The following UTP20 variants were observed in gnomAD, a reference collection of about 807,000 sequenced individuals.
The protein encoded by UTP20 is UTP20 small subunit processome component.
In UTP20, 164 loss-of-function variants were observed where a neutral mutation model predicts 329.5. The observed-to-expected ratio is 0.50, with a 90% confidence interval of 0.44 to 0.57. The LOEUF is 0.57. Among genes scored for constraint, UTP20 ranks in the 20% least tolerant of loss-of-function variants. The pLI is 0.00. For synonymous variants in UTP20, 1,151 were observed against 1,159.3 expected, an observed-to-expected ratio of 0.99 and a Z score of 0.14; for missense variants, 3,055 against 3,284.2, an observed-to-expected ratio of 0.93 and a Z score of 1.71.
In UTP20 at chr12:101,385,609, G is replaced by A. The variant is rs1256166008; in HGVS notation, c.8083G>A (p.Glu2695Lys). Residue 2695 changes from glutamate to lysine, a missense_variant, in exon 61 of 62, where the codon GAA (glutamate) becomes AAA (lysine). Physicochemically the swap from Glu to Lys is moderately conservative, Grantham distance 56. Transcript: ENST00000261637. ...QDPLLKNLSQ[E>K]IIELLKKLVG... ...TCCTTTGCTGAAGAATCTATCCCAG[G>A]AAATCATAGAATTACTCAAAAAGCT... 6.2e-7 allele frequency: 1 copy of A among 1,613,476 alleles called. No individual in the cohort carries two copies.
chr12:101,281,089 G>A (rs1871781654), intron 1 of UTP20, 27 bp from the exon 2 acceptor site: 1 of 1,554,858 alleles, frequency 6.4e-7, no homozygotes, highest in Non-Finnish European at 8.8e-7. Context: ...AATTAATTAT[G>A]TATCTTAAAT....
chr12:101,366,453 C>G (rs1171556055), intron 46 of UTP20, 105 bp from the exon 47 acceptor site: 123 of 1,408,580 alleles, frequency 8.7e-5, no homozygotes, highest in Non-Finnish European at 8.1e-5. Flanking sequence ...GCAAATGGCA[C>G]ATTATTTAGT....
intron 25 of UTP20, among the ~76,000 whole-genome samples, chr12:101,322,903 AC>A (rs1444194476): frequency 3.3e-5 from 5 of 152,206 alleles, no homozygotes; most frequent in African/African-American, 7.2e-5. Context: ...TTATATCCAA[AC>A]ACTCAAAAAT....
At position 101,383,596 on chromosome 12, in the gene UTP20, C is replaced by A. The variant is rs1444625915; in HGVS notation, c.7983C>A (p.Asp2661Glu). 6.2e-7 allele frequency: 1 copy of A among 1,613,754 alleles called. No individual in the cohort carries two copies. Among genetic ancestry groups the A allele is most frequent in the Admixed American group, 1.7e-5 (1 of 59,956 alleles). Residue 2661 changes from aspartate (D) to glutamate (E), a missense_variant, in exon 60 of 62, where the codon GAC becomes GAA. This residue lies in a region of UTP20 where 337 missense variants were observed against 345.5 expected (regional missense o/e 0.98). Coordinates refer to ENST00000261637, the MANE Select transcript of UTP20 (RefSeq NM_014503.3). ...LGAVAMDLGIDKVKPYLPMII... is the reference protein window; with the variant it reads ...LGAVAMDLGIEKVKPYLPMII... The stretch of plus-strand genomic sequence containing the variant: ...CCGTAGCAATGGATCTTGGGATAGA[C>A]AAGGTAAAGCCGTATCTCCCAATGA...
chr12:101,342,534 T>C lies in UTP20; in HGVS notation c.4190T>C (p.Leu1397Pro), dbSNP rs768453138. The change falls in exon 33 of 62, where the codon CTT becomes CCT. Residue 1397 changes from leucine (L) to proline (P), a missense_variant. By Grantham distance (98) the Leu-to-Pro change is moderately conservative. Transcript: ENST00000261637. ...PTSFLKPIAKLFSVIKNKLSR... is the reference protein window; with the variant it reads ...PTSFLKPIAKPFSVIKNKLSR... ...AGCTTCCTCAAGCCTATAGCAAAAC[T>C]TTTCTCAGTTATTAAGAACAAATTG... 1.2e-6 allele frequency: 2 copies of C among 1,613,892 alleles called. No individual in the cohort carries two copies. Among genetic ancestry groups the C allele is most frequent in the South Asian group, 1.1e-5 (1 of 91,046 alleles).
intron 43 of UTP20, among the ~76,000 whole-genome samples, chr12:101,357,695 A>T (rs1487176837): frequency 1.3e-5 from 2 of 152,234 alleles, no homozygotes; most frequent in African/African-American, 4.8e-5. Context: ...TCAAGGCTGC[A>T]GTGAGCTGTG....
intron 23 of UTP20, among the ~76,000 whole-genome samples, chr12:101,320,607 AC>A (rs528766733): frequency 6.0e-4 from 91 of 151,922 alleles, no homozygotes; most frequent in African/African-American, 2.0e-3. Context: ...AAGCTGGTAG[AC>A]CCCAGGGTAT....
In UTP20 at chr12:101,338,919, T is replaced by C; in HGVS notation, c.3975T>C (p.Asn1325=). 4 of 1,610,196 alleles carry C rather than the reference T, an allele frequency of 2.5e-6. No individual in the cohort carries two copies. The highest frequency in any genetic ancestry group is 3.4e-6 in the Non-Finnish European group (4 of 1,179,070). ...ISAEKVKKKK[N]RAQVSKELGI... is the part of the protein sequence containing the mutation. ...CAGAAAAGGTGAAAAAGAAAAAGAA[T>C]AGAGCACAAGTCAGTAAAGAGCTTG... is the stretch of plus-strand genomic sequence containing the variant. The change falls in exon 31 of 62, where the codon AAT becomes AAC. Residue 1325 remains asparagine, a synonymous_variant. Coordinates refer to ENST00000261637, the MANE Select transcript of UTP20 (RefSeq NM_014503.3).
intron 2 of UTP20, among the ~76,000 whole-genome samples, chr12:101,283,703 A>C (rs1431895627): frequency 6.6e-6 from 1 of 152,196 alleles, no homozygotes; most frequent in Non-Finnish European, 1.5e-5. Flanking sequence ...CAACAACAAA[A>C]AAATTTTAAT....
rs750578552 is a variant in UTP20, at chr12:101,329,372, G to A, written c.3340G>A (p.Ala1114Thr). 22 of 1,613,976 alleles carry A rather than the reference G, an allele frequency of 1.4e-5. No individual in the cohort carries two copies. The highest frequency in any genetic ancestry group is 6.7e-5 in the East Asian group (3 of 44,844). Residue 1114 changes from alanine (A) to threonine (T), a missense_variant, in exon 27 of 62, where the codon GCA (alanine) becomes ACA (threonine). Transcript: ENST00000261637. Reference protein sequence around the residue: ...VLKNISHLISAYLPKILQILL... With the variant: ...VLKNISHLISTYLPKILQILL... ...GAAAAACATTAGTCATCTGATCAGC[G>A]CATACCTGCCGAAGATTTTGCAGAT... is the stretch of plus-strand genomic sequence containing the variant.
intron 7 of UTP20, 90 bp downstream of exon 7, chr12:101,290,364 A>G (rs1872099823): frequency 4.9e-6 from 7 of 1,437,458 alleles, no homozygotes; most frequent in Non-Finnish European, 5.6e-6. Flanking sequence ...GAGGGAAGAC[A>G]GCCTAGAGTA....
At chr12:101,373,914 A>C in intron 54 of UTP20, 147 bp downstream of exon 54, 1 of 995,308 alleles carries the variant, frequency 1.0e-6, no homozygotes, top group Non-Finnish European at 1.4e-6. Flanking sequence ...GTATATTCTT[A>C]AAGTTTTCCA....
At chr12:101,284,903 T>C (rs1206907844) in intron 2 of UTP20, among the ~76,000 whole-genome samples, 1 of 152,194 alleles carries the variant, frequency 6.6e-6, no homozygotes, top group Non-Finnish European at 1.5e-5. Context: ...AATTGAATCC[T>C]GCCATACCCT....
intron 21 of UTP20, among the ~76,000 whole-genome samples, chr12:101,314,910 A>G (rs1593429267): frequency 6.7e-6 from 1 of 150,224 alleles, no homozygotes. Context: ...AGACCAGCCT[A>G]GTGAAATCCC....
In UTP20 at chr12:101,383,271, T is replaced by C. The variant is rs754257403; in HGVS notation, c.7887T>C (p.Ile2629=). The change falls in exon 59 of 62, where the codon ATT becomes ATC. Residue 2629 remains isoleucine, a synonymous_variant. Coordinates refer to ENST00000261637, the MANE Select transcript of UTP20 (RefSeq NM_014503.3). ...LLWLIQKLSR[I]AKLEAAYSPR... ...GGTTGATCCAGAAGCTGTCCCGGAT[T>C]GCAAAACTGGAAGCTGCTTATTCGC... 1.2e-6 allele frequency: 2 copies of C among 1,614,064 alleles called. No individual in the cohort carries two copies. Among genetic ancestry groups the C allele is most frequent in the Non-Finnish European group, 1.7e-6 (2 of 1,180,022 alleles).
chr12:101,361,364 C>T (rs1869910074), intron 43 of UTP20, among the ~76,000 whole-genome samples: 1 of 152,070 alleles, frequency 6.6e-6, no homozygotes, highest in Non-Finnish European at 1.5e-5. Flanking sequence ...TGGCTCACTC[C>T]TGTAATCGCA....
intron 43 of UTP20, among the ~76,000 whole-genome samples, chr12:101,359,247 G>A (rs1319663197): frequency 6.6e-6 from 1 of 151,990 alleles, no homozygotes; most frequent in Non-Finnish European, 1.5e-5. Flanking sequence ...TGTATTTTTA[G>A]TAGAGATGGA....
chr12:101,280,509 G>A (rs894492801), intron 1 of UTP20, among the ~76,000 whole-genome samples, 182 bp downstream of exon 1: 2 of 152,220 alleles, frequency 1.3e-5, no homozygotes, highest in East Asian at 1.9e-4. Flanking sequence ...AAAGAAGTGT[G>A]GACAGCAAGT....
chr12:101,343,798 C>A (rs1360732190), intron 35 of UTP20, among the ~76,000 whole-genome samples: 2 of 152,154 alleles, frequency 1.3e-5, no homozygotes, highest in Non-Finnish European at 2.9e-5. Context: ...AGGTGTGGGC[C>A]ACCGCACCCA....
Sources: allele counts gnomAD v4.1 joint callset (sites outside exome capture counted in the v4.1 genomes callset), GRCh38; gene constraint gnomAD v4.1.1; regional missense constraint gnomAD v4.1.1; transcripts MANE v1.5; gene names NCBI Gene and HGNC (gene_info 2026-07-23, HGNC 2026-07-21).